The following GULP1 variants were observed in gnomAD, a reference collection of about 807,000 sequenced individuals.
GULP1 encodes PTB domain-containing engulfment adapter protein 1.
A neutral mutation model predicts 40.9 loss-of-function variants in GULP1; 19 were observed. The observed-to-expected ratio is 0.46, with a 90% CI of 0.32 to 0.68. The LOEUF (loss-of-function observed/expected upper bound fraction) is 0.68. Ranked by LOEUF, GULP1 falls within the 30% of genes least tolerant of loss-of-function variation. The probability of loss-of-function intolerance (pLI) is 0.03; values close to 1 mark genes in which losing one functional copy is unlikely to be tolerated. For synonymous variants in GULP1, 119 were observed against 117.6 expected, an observed-to-expected ratio of 1.01 and a Z score of -0.08; for missense variants, 312 against 362.2, an observed-to-expected ratio of 0.86 and a Z score of 1.12.
rs748330801 is a variant in GULP1, at chr2:188,291,902, C to G, written c.-436C>G. 1.3e-5 allele frequency: 2 copies of G among 152,274 alleles called. No individual in the cohort carries two copies. Among genetic ancestry groups the G allele is most frequent in the African/African-American group, 2.4e-5 (1 of 41,394 alleles). The allele number at this position is 152,274 out of a possible 1,614,324, so 9.4% of individuals were successfully genotyped here. On this transcript the variant is annotated 5_prime_UTR_variant, in exon 1 of 12. Coordinates refer to ENST00000409830, the MANE Select transcript of GULP1 (RefSeq NM_016315.4). ...CCCGGCCGGGAGCGACCCGGAGTCC[C>G]CAGCCCCGCGTCCCAGCTGCCGCCA...
intron 1 of GULP1, among the ~76,000 whole-genome samples, chr2:188,310,950 T>G (rs2106343205): frequency 6.6e-6 from 1 of 152,314 alleles, no homozygotes; most frequent in Non-Finnish European, 1.5e-5. Flanking sequence ...AAGATGAAAT[T>G]GTATCTAATA....
intron 1 of GULP1, among the ~76,000 whole-genome samples, chr2:188,342,353 C>T (rs1366637059): frequency 6.6e-6 from 1 of 152,106 alleles, no homozygotes; most frequent in Non-Finnish European, 1.5e-5. Flanking sequence ...TTGTCTATAC[C>T]TTCACATGGT....
intron 2 of GULP1, among the ~76,000 whole-genome samples, chr2:188,390,599 A>G (rs1334138567): frequency 6.6e-6 from 1 of 151,918 alleles, no homozygotes; most frequent in Non-Finnish European, 1.5e-5. Flanking sequence ...CTTTTGCTGT[A>G]TGGAAGATTC....
chr2:188,305,099 T>C (rs2036828315), intron 1 of GULP1, among the ~76,000 whole-genome samples: 1 of 152,138 alleles, frequency 6.6e-6, no homozygotes, highest in South Asian at 2.1e-4. Context: ...AAGCTGGAGT[T>C]CCCACGATCC....
chr2:188,427,235 A>G (rs2056317310), intron 2 of GULP1, among the ~76,000 whole-genome samples: 1 of 152,232 alleles, frequency 6.6e-6, no homozygotes, highest in Non-Finnish European at 1.5e-5. Flanking sequence ...GCAGAGCTTA[A>G]TGTCTTAGAA....
At chr2:188,564,369 C>A (rs1353848841) in intron 7 of GULP1, among the ~76,000 whole-genome samples, 1 of 151,734 alleles carries the variant, frequency 6.6e-6, no homozygotes, top group Non-Finnish European at 1.5e-5. Flanking sequence ...AGATCTACAA[C>A]CACTAGATTT....
chr2:188,569,414 A>G, intron 8 of GULP1, 59 bp downstream of exon 8: 2 of 888,622 alleles, frequency 2.3e-6, no homozygotes, highest in Non-Finnish European at 3.8e-6. Flanking sequence ...GGAAACTTGC[A>G]TATCGTCAAA....
intron 7 of GULP1, among the ~76,000 whole-genome samples, chr2:188,544,858 G>GTGTC (rs1691488582): frequency 6.6e-6 from 1 of 151,888 alleles, no homozygotes; most frequent in Non-Finnish European, 1.5e-5. Context: ...ATTTGACAAA[G>GTGTC]GACATCAACC....
chr2:188,514,903 T>G (rs2065021072), intron 4 of GULP1, among the ~76,000 whole-genome samples: 2 of 152,226 alleles, frequency 1.3e-5, no homozygotes, highest in African/African-American at 4.8e-5. Flanking sequence ...TTTTTATACC[T>G]TAGTAGTATT....
intron 7 of GULP1, among the ~76,000 whole-genome samples, chr2:188,564,205 C>T (rs2153419555): frequency 6.6e-6 from 1 of 151,918 alleles, no homozygotes; most frequent in South Asian, 2.1e-4. Flanking sequence ...GGGAACAATG[C>T]AAGGATGTCC....
chr2:188,502,390 T>G (rs1164471851), intron 4 of GULP1, among the ~76,000 whole-genome samples: 1 of 151,906 alleles, frequency 6.6e-6, no homozygotes, highest in African/African-American at 2.4e-5. Flanking sequence ...AAGATACTAT[T>G]TCATGTTTAT....
At chr2:188,312,963 GTTGT>G (rs1359556568) in intron 1 of GULP1, among the ~76,000 whole-genome samples, 1 of 116,404 alleles carries the variant, frequency 8.6e-6, no homozygotes, top group Non-Finnish European at 1.9e-5. Context: ...TTTTGATGGG[GTTGT>G]TTGTTTTTTT....
intron 2 of GULP1, among the ~76,000 whole-genome samples, chr2:188,404,716 C>A (rs2052809592): frequency 6.6e-6 from 1 of 152,132 alleles, no homozygotes; most frequent in South Asian, 2.1e-4. Flanking sequence ...TTAGACTGGT[C>A]CCAGCAGCCC....
chr2:188,520,016 A>T (rs1438802557), intron 4 of GULP1, among the ~76,000 whole-genome samples: 1 of 152,106 alleles, frequency 6.6e-6, no homozygotes, highest in Non-Finnish European at 1.5e-5. Flanking sequence ...ACTCATCCCA[A>T]ACTGGAGAAA....
At chr2:188,573,799 T>G (rs1170951240) in intron 9 of GULP1, among the ~76,000 whole-genome samples, 1 of 152,212 alleles carries the variant, frequency 6.6e-6, no homozygotes, top group African/African-American at 2.4e-5. Flanking sequence ...CATATTGAAT[T>G]ACAACATAGG....
chr2:188,386,943 G>A (rs1192184534), intron 2 of GULP1, among the ~76,000 whole-genome samples: 3 of 152,062 alleles, frequency 2.0e-5, no homozygotes, highest in Non-Finnish European at 4.4e-5. Context: ...TAGAGGAAAA[G>A]TGAATGTTAT....
intron 2 of GULP1, among the ~76,000 whole-genome samples, chr2:188,418,540 C>A (rs1240732989): frequency 6.6e-6 from 1 of 151,938 alleles, no homozygotes; most frequent in Non-Finnish European, 1.5e-5. Flanking sequence ...GGCTGAGGCA[C>A]AAGAATCAGT....
At chr2:188,424,084 G>GT (rs1448459494) in intron 2 of GULP1, among the ~76,000 whole-genome samples, 1 of 151,754 alleles carries the variant, frequency 6.6e-6, no homozygotes, top group Non-Finnish European at 1.5e-5. Context: ...TGGGCTTGTG[G>GT]TATAAGTCAT....
At chr2:188,453,806 A>G (rs1195864335) in intron 2 of GULP1, among the ~76,000 whole-genome samples, 1 of 152,226 alleles carries the variant, frequency 6.6e-6, no homozygotes, top group Non-Finnish European at 1.5e-5. Context: ...AACAAAGACC[A>G]GAAATACGAA....
Sources: gnomAD v4.1 joint callset for allele counts (sites outside exome capture counted in the v4.1 genomes callset) on GRCh38, gnomAD v4.1.1 for gene constraint, MANE v1.5 for transcripts, NCBI Gene and HGNC (gene_info 2026-07-23, HGNC 2026-07-21) for gene names.